MYO1D: variants seen among roughly 807,000 people sequenced by gnomAD.
The protein encoded by MYO1D is unconventional myosin-Id.
In MYO1D, 83 loss-of-function variants were observed where a neutral mutation model predicts 122.0. That is an observed-to-expected ratio of 0.68 (90% confidence interval 0.57 to 0.82). MYO1D has a LOEUF of 0.82. Among genes scored for constraint, MYO1D ranks in the 40% least tolerant of loss-of-function variants. MYO1D has a pLI of 0.00. For synonymous variants in MYO1D, 464 were observed against 446.9 expected, an observed-to-expected ratio of 1.04 and a Z score of -0.48; for missense variants, 1,157 against 1,269.5, an observed-to-expected ratio of 0.91 and a Z score of 1.35.
intron 21 of MYO1D, among the ~76,000 whole-genome samples, chr17:32,511,605 C>A (rs927198575): frequency 7.0e-6 from 1 of 143,590 alleles, no homozygotes; most frequent in African/African-American, 2.6e-5. Context: ...CTGTATTGAA[C>A]TTTTTTTTTT....
chr17:32,771,113 G>A lies in MYO1D; in HGVS notation c.714+12C>T, dbSNP rs1480418210. 3 of 1,566,490 alleles carry A rather than the reference G, an allele frequency of 1.9e-6. No homozygotes were observed. In the African/African-American group the frequency reaches 4.1e-5, roughly 21 times the overall value. On this transcript the variant is annotated intron_variant, in intron 6 of 21. Coordinates refer to ENST00000318217, the MANE Select transcript of MYO1D (RefSeq NM_015194.3). The stretch of plus-strand genomic sequence containing the variant: ...TTTTCTATTGGAGCAATCTCAAAGA[G>A]GAAATTCTCACCTTTAATTGAGCTC...
chr17:32,515,298 G>T (rs1196107864), intron 21 of MYO1D, among the ~76,000 whole-genome samples: 2 of 152,192 alleles, frequency 1.3e-5, no homozygotes, highest in East Asian at 3.9e-4. Context: ...TTGTTATTCA[G>T]TATTTTTAAA....
intron 8 of MYO1D, among the ~76,000 whole-genome samples, chr17:32,763,281 A>C (rs188601154): frequency 6.6e-6 from 1 of 152,298 alleles, no homozygotes; most frequent in African/African-American, 2.4e-5. Context: ...ATTCCCCCAA[A>C]ACTAAAAACC....
chr17:32,705,114 A>C (rs2089290332), intron 16 of MYO1D, among the ~76,000 whole-genome samples: 1 of 150,812 alleles, frequency 6.6e-6, no homozygotes, highest in Non-Finnish European at 1.5e-5. Flanking sequence ...AACAGCACAG[A>C]TTTGAACTAC....
chr17:32,530,522 T>A (rs1362465764), intron 21 of MYO1D, among the ~76,000 whole-genome samples: 1 of 152,206 alleles, frequency 6.6e-6, no homozygotes, highest in African/African-American at 2.4e-5. Flanking sequence ...AAAGAAAGGC[T>A]TAGTGCAGTA....
intron 6 of MYO1D, among the ~76,000 whole-genome samples, chr17:32,770,739 T>A (rs2090104986): frequency 6.6e-6 from 1 of 152,174 alleles, no homozygotes; most frequent in Non-Finnish European, 1.5e-5. Flanking sequence ...AGAATCAAAG[T>A]GCATTTTAAT....
chr17:32,607,734 G>T (rs983544385), intron 20 of MYO1D, among the ~76,000 whole-genome samples: 6 of 152,096 alleles, frequency 3.9e-5, no homozygotes, highest in African/African-American at 1.4e-4. Context: ...AATAAAGTTG[G>T]AGGGCTCATA....
chr17:32,663,372 C>T (rs945789563), intron 16 of MYO1D, among the ~76,000 whole-genome samples: 2 of 152,220 alleles, frequency 1.3e-5, no homozygotes, highest in African/African-American at 4.8e-5. Flanking sequence ...ATTCTTCCAC[C>T]TATAACATGG....
chr17:32,704,742 T>C (rs992039170), intron 16 of MYO1D, among the ~76,000 whole-genome samples: 2 of 152,150 alleles, frequency 1.3e-5, no homozygotes, highest in African/African-American at 4.8e-5. Context: ...AACGCCTAAA[T>C]GCCTGGTAAT....
intron 21 of MYO1D, among the ~76,000 whole-genome samples, chr17:32,551,846 A>G (rs1419623980): frequency 6.6e-6 from 1 of 152,160 alleles, no homozygotes; most frequent in Non-Finnish European, 1.5e-5. Flanking sequence ...TACTCAATAA[A>G]TATTTCTTGA....
At chr17:32,513,392 T>C (rs937055051) in intron 21 of MYO1D, among the ~76,000 whole-genome samples, 3 of 152,150 alleles carry the variant, frequency 2.0e-5, no homozygotes, top group Non-Finnish European at 4.4e-5. Context: ...GACTCTACCA[T>C]GTCTTCAGGT....
At chr17:32,643,404 C>A (rs1008041696) in intron 19 of MYO1D, among the ~76,000 whole-genome samples, 4 of 152,088 alleles carry the variant, frequency 2.6e-5, no homozygotes, top group Non-Finnish European at 4.4e-5. Flanking sequence ...TGTGTCTCTG[C>A]CAGGCTTTGG....
chr17:32,638,923 G>A, intron 19 of MYO1D, 88 bp from the exon 20 acceptor site: 1 of 857,966 alleles, frequency 1.2e-6, no homozygotes, highest in Non-Finnish European at 2.0e-6. Flanking sequence ...TTTAATAGAT[G>A]TGAACCATGT....
At chr17:32,651,026 G>T (rs971360769) in intron 19 of MYO1D, among the ~76,000 whole-genome samples, 1 of 152,070 alleles carries the variant, frequency 6.6e-6, no homozygotes. Flanking sequence ...TTTTGGCTTT[G>T]TTCTGGTTAG....
rs186554062 is a variant in MYO1D at position 32,852,621 on chromosome 17, G to A, written c.95+24157C>T. Among the ~76,000 whole-genome samples the A allele has an allele frequency of 1.3e-3, 194 of 152,168 alleles. 1 individual carries two copies. Among genetic ancestry groups the A allele is most frequent in the Admixed American group, 8.3e-3 (127 of 15,284 alleles). On this transcript the variant is annotated intron_variant, in intron 1 of 21. Coordinates refer to ENST00000318217, the MANE Select transcript of MYO1D (RefSeq NM_015194.3). ...GGTGCAAAATTGTCTGTAGAATGTC[G>A]TCTCAACTATGTGGCAAATACATGC...
rs146098301 is a variant in MYO1D, at chr17:32,657,298, A to G, written c.2345+1817T>C. ...CATCTCTCTCTGTATTCCACAGATC[A>G]AAAAATTCCTGATAGTGCCTAGATC... On this transcript the variant is annotated intron_variant, in intron 17 of 21. Transcript: ENST00000318217. Among the ~76,000 whole-genome samples, 985 of 152,362 alleles carry G rather than the reference A, an allele frequency of 6.5e-3. 14 individuals carry two copies. Among genetic ancestry groups the G allele is most frequent in the African/African-American group, 0.022 (923 of 41,570 alleles).
intron 16 of MYO1D, among the ~76,000 whole-genome samples, chr17:32,670,168 T>TAA (rs1366220265): frequency 6.6e-6 from 1 of 152,144 alleles, no homozygotes; most frequent in Non-Finnish European, 1.5e-5. Flanking sequence ...AGTGCTGTGA[T>TAA]TACAGGTGTG....
chr17:32,709,353 A>C (rs1282652526), intron 16 of MYO1D, among the ~76,000 whole-genome samples: 7 of 152,212 alleles, frequency 4.6e-5, no homozygotes, highest in Non-Finnish European at 1.0e-4. Flanking sequence ...GGTAGAAAGA[A>C]AAAAAGACAT....
At chr17:32,712,489 T>C (rs2089391144) in intron 15 of MYO1D, among the ~76,000 whole-genome samples, 1 of 152,146 alleles carries the variant, frequency 6.6e-6, no homozygotes, top group African/African-American at 2.4e-5. Context: ...AAACATTCTT[T>C]TTACAAACAG....
Sources: gnomAD v4.1 joint callset for allele counts (sites outside exome capture counted in the v4.1 genomes callset) on GRCh38, gnomAD v4.1.1 for gene constraint, MANE v1.5 for transcripts, NCBI Gene and HGNC (gene_info 2026-07-23, HGNC 2026-07-21) for gene names.